STS: variants seen among roughly 807,000 people sequenced by gnomAD.
STS encodes the protein steryl-sulfatase.
Under a neutral mutation model 26.8 loss-of-function variants are expected in STS, and 7 were observed. That is an observed-to-expected ratio of 0.26 (90% CI 0.15 to 0.49). STS has a LOEUF of 0.49. Among genes scored for constraint, STS ranks in the 20% least tolerant of loss-of-function variants. The pLI, the probability that STS is intolerant of heterozygous loss-of-function variation, is 0.98. For missense variants in STS, 434 were observed against 465.6 expected (o/e 0.93, Z 0.63); for synonymous variants, 199 against 189.4 (o/e 1.05, Z -0.42).
At chrX:7,176,109 A>G (rs903923592) in intron 1 of STS, among the ~76,000 whole-genome samples, 2 of 111,444 alleles carry the variant, frequency 1.8e-5, no homozygotes, top group Non-Finnish European at 3.8e-5. Flanking sequence ...ATATTCCTTG[A>G]ACGTGGGTTT....
At chrX:7,183,191 C>T (rs1422321126) in intron 1 of STS, among the ~76,000 whole-genome samples, 1 of 111,594 alleles carries the variant, frequency 9.0e-6, no homozygotes, top group African/African-American at 3.3e-5. Flanking sequence ...TACTTTTGCA[C>T]AGGTCTTCAT....
chrX:7,158,519 A>G (rs774446873), intron 1 of STS, among the ~76,000 whole-genome samples: 7 of 111,770 alleles, frequency 6.3e-5, no homozygotes, highest in African/African-American at 2.3e-4. Context: ...AAATCTTCAC[A>G]TGACAGGACC....
chrX:7,258,619 A>T (rs1453185866), intron 5 of STS, among the ~76,000 whole-genome samples: 1 of 111,804 alleles, frequency 8.9e-6, no homozygotes, highest in East Asian at 2.8e-4. Context: ...CAAATCTCAG[A>T]GGAGCAAAAT....
intron 10 of STS, among the ~76,000 whole-genome samples, chrX:7,342,606 C>T (rs1019037517): frequency 8.9e-6 from 1 of 112,124 alleles, no homozygotes; most frequent in Non-Finnish European, 1.9e-5. Flanking sequence ...GTTGTTGTAT[C>T]GTGAGCTCTG....
At chrX:7,214,680 C>T (rs1237378743) in intron 2 of STS, among the ~76,000 whole-genome samples, 1 of 109,070 alleles carries the variant, frequency 9.2e-6, no homozygotes, top group East Asian at 2.9e-4. Flanking sequence ...TATTTGTAGT[C>T]TTATCACTCA....
chrX:7,287,925 C>T (rs1270691487), intron 7 of STS, among the ~76,000 whole-genome samples: 2 of 110,556 alleles, frequency 1.8e-5, no homozygotes, highest in African/African-American at 6.6e-5. Context: ...ATACTCTTAG[C>T]AACCCTGGAT....
intron 6 of STS, among the ~76,000 whole-genome samples, chrX:7,268,298 C>A (rs963526653): frequency 8.9e-6 from 1 of 111,758 alleles, no homozygotes; most frequent in Non-Finnish European, 1.9e-5. Flanking sequence ...AAGATATGAC[C>A]TTTTGTCCTG....
chrX:7,175,493 C>CATCAA (rs763992579), intron 1 of STS, among the ~76,000 whole-genome samples: 1 of 104,203 alleles, frequency 9.6e-6, no homozygotes, highest in African/African-American at 3.6e-5. Context: ...GACCTGGTCT[C>CATCAA]AACAAAACAA....
chrX:7,161,307 T>C (rs1301970208), intron 1 of STS, among the ~76,000 whole-genome samples: 5 of 111,621 alleles, frequency 4.5e-5, no homozygotes, highest in Non-Finnish European at 9.4e-5. Flanking sequence ...GGTTTTAAGA[T>C]GTGGTGTTTA....
chrX:7,151,057 G>A (rs1193639405), intron 1 of STS, among the ~76,000 whole-genome samples: 1 of 112,438 alleles, frequency 8.9e-6, no homozygotes, highest in Admixed American at 9.4e-5. Context: ...CATTATCAAT[G>A]GGACAAATAA....
At chrX:7,180,472 C>G (rs1395637091) in intron 1 of STS, among the ~76,000 whole-genome samples, 1 of 111,820 alleles carries the variant, frequency 8.9e-6, no homozygotes, top group Non-Finnish European at 1.9e-5. Flanking sequence ...TGAAACTTCA[C>G]TCATTCGCCT....
At chrX:7,345,515 T>C (rs1178662616) in intron 10 of STS, among the ~76,000 whole-genome samples, 2 of 111,255 alleles carry the variant, frequency 1.8e-5, no homozygotes, top group East Asian at 5.7e-4. Context: ...TTCCTTCAGA[T>C]CTCCAGTAAA....
intron 7 of STS, among the ~76,000 whole-genome samples, chrX:7,283,920 C>T: frequency 9.0e-6 from 1 of 110,843 alleles, no homozygotes; most frequent in Non-Finnish European, 1.9e-5. Context: ...GCATGGCATG[C>T]CTGCTGGATG....
At chrX:7,237,194 CA>C (rs1291040704) in intron 2 of STS, among the ~76,000 whole-genome samples, 2 of 90,649 alleles carry the variant, frequency 2.2e-5, no homozygotes, top group Non-Finnish European at 4.3e-5. Flanking sequence ...AGAACCCCCC[CA>C]AAAACCAAAG....
chrX:7,177,479 A>AT lies in STS; in HGVS notation c.-133-13392dup, dbSNP rs1368788755. 7.3e-3 allele frequency among the ~76,000 whole-genome samples: 765 copies of AT among 104,109 alleles called. 14 individuals carry two copies. The highest frequency in any genetic ancestry group is 0.026 in the African/African-American group (730 of 28,241). 90.4% of individuals were successfully genotyped at this position (104,109 alleles called of 115,157 possible). The stretch of plus-strand genomic sequence containing the variant: ...ATATATTATATATGTATATATATAT[A>AT]TTTTTTTTTGGAGTTGGGACAGGGT... On this transcript the variant is annotated intron_variant, in intron 1 of 10. Coordinates refer to ENST00000674429, the MANE Select transcript of STS (RefSeq NM_001320752.2).
At chrX:7,179,768 C>T (rs1933646596) in intron 1 of STS, among the ~76,000 whole-genome samples, 1 of 111,680 alleles carries the variant, frequency 9.0e-6, no homozygotes, top group African/African-American at 3.3e-5. Context: ...GCAGAGGGTG[C>T]GGGTGGAAGA....
chrX:7,290,668 C>T (rs768087863), intron 7 of STS, among the ~76,000 whole-genome samples: 3 of 111,864 alleles, frequency 2.7e-5, no homozygotes, highest in Non-Finnish European at 5.6e-5. Context: ...ATGGCAGCAG[C>T]GGTGCCAAGA....
At chrX:7,288,434 A>C (rs1215734969) in intron 7 of STS, among the ~76,000 whole-genome samples, 1 of 111,147 alleles carries the variant, frequency 9.0e-6, no homozygotes, top group Non-Finnish European at 1.9e-5. Flanking sequence ...TCTGAAACTC[A>C]AAATGCTCCA....
chrX:7,324,404 T>A (rs2147163590), intron 8 of STS, among the ~76,000 whole-genome samples: 1 of 111,622 alleles, frequency 9.0e-6, no homozygotes, highest in East Asian at 2.8e-4. Context: ...ACCAGACTCT[T>A]GGTCAGTTCT....
Sources: allele counts gnomAD v4.1 joint callset (sites outside exome capture counted in the v4.1 genomes callset), GRCh38; gene constraint gnomAD v4.1.1; transcripts MANE v1.5; gene names NCBI Gene and HGNC (gene_info 2026-07-23, HGNC 2026-07-21).